Variants in MUC6 observed in about 807,000 individuals in gnomAD.
MUC6 encodes mucin-6.
A neutral mutation model predicts 201.5 loss-of-function variants in MUC6; 188 were observed. The ratio of observed to expected loss-of-function variants is 0.93; its 90% CI spans 0.83 to 1.05. MUC6 has a LOEUF of 1.05. Among genes scored for constraint, MUC6 ranks in the 50% least tolerant of loss-of-function variants. The pLI, the probability that MUC6 is intolerant of heterozygous loss-of-function variation, is 0.00. For missense variants in MUC6, 2,706 were observed against 3,256.9 expected (o/e 0.83, Z 4.12); for synonymous variants, 1,228 against 1,389.4 (o/e 0.88, Z 2.58).
chr11:1,028,124 G>A, intron 14 of MUC6, 65 bp from the exon 15 acceptor site: 2 of 1,538,510 alleles, frequency 1.3e-6, no homozygotes, highest in Admixed American at 2.0e-5. Flanking sequence ...TCCTCCCAGG[G>A]ACCCCCCACC....
Position 1,033,407 on chromosome 11 carries a change from G to C in MUC6, c.53-332C>G, listed in dbSNP as rs1857155426. Among the ~76,000 whole-genome samples the C allele has an allele frequency of 6.6e-6, 1 of 152,162 alleles. No individual in the cohort carries two copies. Among genetic ancestry groups the C allele is most frequent in the South Asian group, 2.1e-4 (1 of 4,834 alleles). On this transcript the variant is annotated intron_variant, in intron 1 of 32. Coordinates refer to ENST00000421673, the MANE Select transcript of MUC6 (RefSeq NM_005961.3). The surrounding 1 kb of genome is among the most constrained non-coding windows in gnomAD (Gnocchi z 5.6). ...CCCTGGGGCTTCTGGGTGGGGCTAG[G>C]AGGGGCTGGTGCGGGTGGCAGGGGC...
At chr11:1,020,628 AG>A in intron 28 of MUC6, 55 bp downstream of exon 28, 1 of 1,608,198 alleles carries the variant, frequency 6.2e-7, no homozygotes. Flanking sequence ...CAGGGAACCG[AG>A]GGGAGCCCAG....
In MUC6 at chr11:1,030,795, C is replaced by T; in HGVS notation, c.685-15G>A. The T allele has an allele frequency of 6.5e-7, 1 of 1,534,634 alleles. No homozygotes were observed. The highest frequency in any genetic ancestry group is 1.4e-5 in the African/African-American group (1 of 73,104). Reference sequence around the variant, plus strand: ...CAGATCCGGGCCTGGGGGGGCCACTCAGGGTCATGGGGGCAAAGGCCACAC... The same window carrying T: ...CAGATCCGGGCCTGGGGGGGCCACTTAGGGTCATGGGGGCAAAGGCCACAC... On this transcript the variant is annotated splice_polypyrimidine_tract_variant and intron_variant, in intron 6 of 32. Coordinates refer to ENST00000421673, the MANE Select transcript of MUC6 (RefSeq NM_005961.3).
intron 2 of MUC6, 67 bp downstream of exon 2, chr11:1,032,946 C>T (rs2133837979): frequency 2.1e-6 from 3 of 1,442,182 alleles, no homozygotes; most frequent in East Asian, 4.6e-5. Flanking sequence ...GGGCTCCGGG[C>T]CCCTCTCTCC....
chr11:1,031,562 C>T (rs1317074098), intron 4 of MUC6, 45 bp downstream of exon 4: 11 of 1,536,470 alleles, frequency 7.2e-6, no homozygotes, highest in Non-Finnish European at 9.6e-6. Flanking sequence ...ACCTGCCCCC[C>T]CGTGCTGCGG....
intron 31 of MUC6, 50 bp from the exon 32 acceptor site, chr11:1,014,051 G>C: frequency 6.7e-7 from 1 of 1,497,346 alleles, no homozygotes; most frequent in Non-Finnish European, 9.1e-7. Flanking sequence ...CATGGAGCGA[G>C]GAGGGAGGGA....
rs1249678054 is a variant in MUC6, at chr11:1,024,841, C to T, written c.3225+3G>A. The T allele has an allele frequency of 2.5e-6, 4 of 1,607,826 alleles. No homozygotes were observed. The highest frequency in any genetic ancestry group is 3.4e-6 in the Non-Finnish European group (4 of 1,176,052). The stretch of plus-strand genomic sequence containing the variant: ...GCGCACAGCCCTCGTGCCCGGTGCC[C>T]ACCTTGCTGTGGCAGGTGGCAAAGG... On this transcript the variant is annotated splice_donor_region_variant and intron_variant, in intron 24 of 32. Coordinates refer to ENST00000421673, the MANE Select transcript of MUC6 (RefSeq NM_005961.3).
intron 1 of MUC6, among the ~76,000 whole-genome samples, chr11:1,034,714 G>T (rs1346386836): frequency 6.6e-6 from 1 of 152,214 alleles, no homozygotes; most frequent in Admixed American, 6.5e-5. Flanking sequence ...TCCGATGGGG[G>T]GTGGCACTTG....
intron 24 of MUC6, among the ~76,000 whole-genome samples, chr11:1,024,523 C>T (rs1368931811): frequency 1.3e-5 from 2 of 152,214 alleles, no homozygotes; most frequent in East Asian, 3.9e-4. Flanking sequence ...GCCCTGCATC[C>T]TGGAGGTCTC....
intron 7 of MUC6, 75 bp from the exon 8 acceptor site, chr11:1,030,410 G>A (rs1159539128): frequency 6.9e-7 from 1 of 1,449,032 alleles, no homozygotes; most frequent in East Asian, 2.6e-5. Flanking sequence ...GCTTGATGGA[G>A]GACTTAGCCC....
chr11:1,030,757 C>T lies in MUC6; in HGVS notation c.708G>A (p.Leu236=), dbSNP rs1235012865. The change falls in exon 7 of 33, where the codon CTG becomes CTA. Residue 236 remains leucine, a synonymous_variant. Coordinates refer to ENST00000421673, the MANE Select transcript of MUC6 (RefSeq NM_005961.3). ...CGCTGCACTCAGGGGCCACCAGGGT[C>T]AGCAGCTGGGTGCAGATCCGGGCCT... The part of the protein sequence containing the change: ...AQHARICTQL[L]TLVAPECSVS... 1 of 1,539,486 alleles carries T rather than the reference C, an allele frequency of 6.5e-7. No homozygotes were observed. The highest frequency in any genetic ancestry group is 8.7e-7 in the Non-Finnish European group (1 of 1,147,414).
rs72842417 is a variant in MUC6 at position 1,031,935 on chromosome 11, G to T, written c.234C>A (p.Ala78=). Residue 78 remains alanine, a synonymous_variant, in exon 3 of 33, where the codon GCC becomes GCA. Coordinates refer to ENST00000421673, the MANE Select transcript of MUC6 (RefSeq NM_005961.3). ...GCAGCTGGACACTGAAGGTGGGGAA[G>T]GCGTCCTTGCAGGTGGCCGCGAAGA... ...NYIFAATCKD[A]FPTFSVQLRR... The T allele has an allele frequency of 6.2e-6, 10 of 1,613,494 alleles. No homozygotes were observed. Among genetic ancestry groups the T allele is most frequent in the Non-Finnish European group, 8.5e-6 (10 of 1,179,880 alleles).
chr11:1,020,051 C>A (rs758499092), intron 29 of MUC6, 39 bp downstream of exon 29: 11 of 1,605,002 alleles, frequency 6.9e-6, no homozygotes, highest in South Asian at 1.1e-5. Flanking sequence ...GGACCTCCTG[C>A]AGCTGCCCTC....
At position 1,027,634 on chromosome 11, in the gene MUC6, C is replaced by G. The variant is rs540693957; in HGVS notation, c.1981+51G>C. 9 of 1,575,980 alleles carry G rather than the reference C, an allele frequency of 5.7e-6. No individual in the cohort carries two copies. In the African/African-American group the frequency reaches 1.2e-4, roughly 21 times the overall value. On this transcript the variant is annotated intron_variant, in intron 16 of 32. Coordinates refer to ENST00000421673, the MANE Select transcript of MUC6 (RefSeq NM_005961.3). The stretch of plus-strand genomic sequence containing the variant: ...AGAGCTTGGGGTCCCAGGACACCCC[C>G]TCGTGAGCCCAGCCTGCCGTGACCC...
In MUC6 at chr11:1,027,069, C is replaced by T. The variant is rs749967384; in HGVS notation, c.2285-19G>A. The T allele has an allele frequency of 9.3e-6, 15 of 1,604,540 alleles. No individual in the cohort carries two copies. Among genetic ancestry groups the T allele is most frequent in the South Asian group, 3.3e-5 (3 of 90,202 alleles). On this transcript the variant is annotated intron_variant, in intron 18 of 32. Coordinates refer to ENST00000421673, the MANE Select transcript of MUC6 (RefSeq NM_005961.3). Reference sequence around the variant, plus strand: ...CAGGAGGCTGCAGGAAAGAGGGGTGCGCGGTCAGGACACTCAGAGGAAGCC... The same window carrying T: ...CAGGAGGCTGCAGGAAAGAGGGGTGTGCGGTCAGGACACTCAGAGGAAGCC...
At position 1,030,720 on chromosome 11, in the gene MUC6, G is replaced by T. The variant is rs1351096907; in HGVS notation, c.745C>A (p.Pro249Thr). ...VAPECSVSKE[P>T]FVLSCQADVA... Reference sequence around the variant, plus strand: ...TCCGCCTGGCAGCTTAGCACGAAGGGCTCCTTGGACACGCTGCACTCAGGG... The same window carrying T: ...TCCGCCTGGCAGCTTAGCACGAAGGTCTCCTTGGACACGCTGCACTCAGGG... The change falls in exon 7 of 33, where the codon CCC (proline) becomes ACC (threonine). Residue 249 changes from proline to threonine, a missense_variant. By Grantham distance (38) the Pro-to-Thr change is conservative (BLOSUM62 -1). Coordinates refer to ENST00000421673, the MANE Select transcript of MUC6 (RefSeq NM_005961.3). The T allele has an allele frequency of 6.5e-7, 1 of 1,545,426 alleles. No homozygotes were observed. Among genetic ancestry groups the T allele is most frequent in the Non-Finnish European group, 8.7e-7 (1 of 1,148,032 alleles).
At chr11:1,030,366 T>TGCCCCCCCCCCCCCCCCCCCCCCGC in intron 7 of MUC6, 31 bp from the exon 8 acceptor site, 1 of 1,489,584 alleles carries the variant, frequency 6.7e-7, no homozygotes, top group Non-Finnish European at 9.1e-7. Flanking sequence ...GGTGAGAGGG[T>TGCCCCCCCCCCCCCCCCCCCCCCGC]CCCACCCCCC....
In MUC6 at chr11:1,030,783, G is replaced by T. The variant is rs1857082965; in HGVS notation, c.685-3C>A. ...AGCAGCTGGGTGCAGATCCGGGCCT[G>T]GGGGGGCCACTCAGGGTCATGGGGG... On this transcript the variant is annotated splice_region_variant and splice_polypyrimidine_tract_variant and intron_variant, in intron 6 of 32. Coordinates refer to ENST00000421673, the MANE Select transcript of MUC6 (RefSeq NM_005961.3). 2.6e-6 allele frequency: 4 copies of T among 1,534,760 alleles called. No individual in the cohort carries two copies. The highest frequency in any genetic ancestry group is 3.5e-6 in the Non-Finnish European group (4 of 1,145,794).
Position 1,016,512 on chromosome 11 carries a change from T to A in MUC6, c.6289A>T (p.Asn2097Tyr). The change falls in exon 31 of 33, where the codon AAC becomes TAC. Residue 2097 changes from asparagine (N) to tyrosine (Y), a missense_variant. Transcript: ENST00000421673. ...GATGACGGTGGCCTTGAGCTAGAGT[T>A]CTGAGGCAGCCAAGACGAGGAGGAT... Reference protein sequence around the residue: ...FISSSSWLPQNSSSRPPSSPI... With the variant: ...FISSSSWLPQYSSSRPPSSPI... 1 of 1,571,202 alleles carries A rather than the reference T, an allele frequency of 6.4e-7. No homozygotes were observed. Among genetic ancestry groups the A allele is most frequent in the East Asian group, 2.3e-5 (1 of 43,432 alleles).
Sources: allele counts gnomAD v4.1 joint callset (sites outside exome capture counted in the v4.1 genomes callset), GRCh38; gene constraint gnomAD v4.1.1; non-coding constraint Gnocchi (gnomAD v3.1); transcripts MANE v1.5; gene names NCBI Gene and HGNC (gene_info 2026-07-23, HGNC 2026-07-21).